LRRTM4: variants seen among roughly 807,000 people sequenced by gnomAD.
LRRTM4 encodes leucine rich repeat transmembrane neuronal 4.
A neutral mutation model predicts 47.6 loss-of-function variants in LRRTM4; 25 were observed. That is an observed-to-expected ratio of 0.53 (90% CI 0.38 to 0.73). The LOEUF (loss-of-function observed/expected upper bound fraction) is 0.73, where lower values mean the gene tolerates loss of function less well. LRRTM4 is among the 30% of genes least tolerant of loss of function. LRRTM4 has a pLI of 0.00. For missense variants in LRRTM4, 638 were observed against 713.4 expected (o/e 0.89, Z 1.20); for synonymous variants, 311 against 269.5 (o/e 1.15, Z -1.51).
chr2:76,878,475 G>T (rs1198475399), intron 3 of LRRTM4, among the ~76,000 whole-genome samples: 1 of 151,840 alleles, frequency 6.6e-6, no homozygotes, highest in Non-Finnish European at 1.5e-5. Flanking sequence ...CAAAAGGTAG[G>T]CCTTTTGTGC....
At chr2:76,902,300 T>C (rs559887596) in intron 3 of LRRTM4, among the ~76,000 whole-genome samples, 1 of 152,316 alleles carries the variant, frequency 6.6e-6, no homozygotes, top group Admixed American at 6.5e-5. Context: ...ATCATTTGTG[T>C]TTTTCCCTTT....
chr2:76,862,038 T>A (rs912479002), intron 3 of LRRTM4, among the ~76,000 whole-genome samples: 1 of 152,060 alleles, frequency 6.6e-6, no homozygotes, highest in Non-Finnish European at 1.5e-5. Flanking sequence ...TATATTTATA[T>A]ACAGCCACAG....
chr2:77,145,916 GA>G (rs1175052370), intron 3 of LRRTM4, among the ~76,000 whole-genome samples: 2 of 151,462 alleles, frequency 1.3e-5, no homozygotes, highest in Admixed American at 1.3e-4. Context: ...TTATTCTTTC[GA>G]AAAAAAATTT....
At chr2:77,373,507 T>A (rs543187891) in intron 3 of LRRTM4, among the ~76,000 whole-genome samples, 73 of 151,848 alleles carry the variant, frequency 4.8e-4, no homozygotes, top group African/African-American at 1.7e-3. Context: ...TTTTTTTACC[T>A]TTTTATTTTG....
At chr2:77,100,225 T>G (rs894380876) in intron 3 of LRRTM4, among the ~76,000 whole-genome samples, 8 of 152,162 alleles carry the variant, frequency 5.3e-5, no homozygotes, top group African/African-American at 1.7e-4. Flanking sequence ...CAACTTGGGT[T>G]GAGAAATTTA....
chr2:76,890,961 G>A (rs1673233858), intron 3 of LRRTM4, among the ~76,000 whole-genome samples: 1 of 152,000 alleles, frequency 6.6e-6, no homozygotes, highest in South Asian at 2.1e-4. Context: ...GCCTAATGGG[G>A]AAATTAGAGA....
At chr2:77,502,737 A>C (rs1412099426) in intron 3 of LRRTM4, among the ~76,000 whole-genome samples, 1 of 151,588 alleles carries the variant, frequency 6.6e-6, no homozygotes, top group African/African-American at 2.4e-5. Flanking sequence ...AGGAGGGATA[A>C]TCTCAAATTG....
intron 3 of LRRTM4, among the ~76,000 whole-genome samples, chr2:76,797,955 G>C (rs1265385473): frequency 6.7e-6 from 1 of 149,952 alleles, no homozygotes; most frequent in Non-Finnish European, 1.5e-5. Context: ...GGAGCATCCA[G>C]ATTCATAAAG....
chr2:76,993,227 T>C (rs1677075825), intron 3 of LRRTM4, among the ~76,000 whole-genome samples: 1 of 151,908 alleles, frequency 6.6e-6, no homozygotes, highest in Admixed American at 6.6e-5. Context: ...AATTTGTTAC[T>C]AAGTCCTCAA....
chr2:77,029,869 C>T (rs1192935149), intron 3 of LRRTM4, among the ~76,000 whole-genome samples: 1 of 152,152 alleles, frequency 6.6e-6, no homozygotes, highest in South Asian at 2.1e-4. Context: ...TCCTTACAGT[C>T]TGACAGGTTT....
At chr2:77,059,959 T>C (rs1028420859) in intron 3 of LRRTM4, among the ~76,000 whole-genome samples, 1 of 152,210 alleles carries the variant, frequency 6.6e-6, no homozygotes, top group Non-Finnish European at 1.5e-5. Context: ...TTCTTTGTTT[T>C]TTGTATCTGC....
At chr2:77,190,504 T>C (rs1216846264) in intron 3 of LRRTM4, among the ~76,000 whole-genome samples, 1 of 152,110 alleles carries the variant, frequency 6.6e-6, no homozygotes, top group African/African-American at 2.4e-5. Context: ...TTTGCCATGT[T>C]GGCCAGGCTG....
intron 3 of LRRTM4, among the ~76,000 whole-genome samples, chr2:76,933,021 T>C (rs1480122997): frequency 6.6e-6 from 1 of 152,144 alleles, no homozygotes. Flanking sequence ...AAAAATCATT[T>C]GAGAAATCTT....
intron 3 of LRRTM4, among the ~76,000 whole-genome samples, chr2:76,826,033 T>C (rs899114430): frequency 4.0e-5 from 6 of 151,754 alleles, no homozygotes; most frequent in Admixed American, 6.6e-5. Context: ...TTTCTTGGAA[T>C]TGAATGAATA....
At chr2:76,864,947 G>A (rs1288338581) in intron 3 of LRRTM4, among the ~76,000 whole-genome samples, 1 of 150,730 alleles carries the variant, frequency 6.6e-6, no homozygotes, top group Non-Finnish European at 1.5e-5. Flanking sequence ...ATGTTGCCCA[G>A]GCTGGTCTCA....
chr2:77,080,802 TA>T (rs1362972706), intron 3 of LRRTM4, among the ~76,000 whole-genome samples: 2 of 152,212 alleles, frequency 1.3e-5, no homozygotes, highest in African/African-American at 4.8e-5. Flanking sequence ...TCAAGGTACT[TA>T]ACAATGCCTA....
At chr2:76,929,594 A>G (rs1257953116) in intron 3 of LRRTM4, among the ~76,000 whole-genome samples, 1 of 152,164 alleles carries the variant, frequency 6.6e-6, no homozygotes, top group Non-Finnish European at 1.5e-5. Flanking sequence ...TAAATATCCT[A>G]CTACAGACTT....
intron 3 of LRRTM4, among the ~76,000 whole-genome samples, chr2:76,948,522 A>G (rs1318683181): frequency 6.6e-6 from 1 of 151,788 alleles, no homozygotes; most frequent in African/African-American, 2.4e-5. Flanking sequence ...TAGAATTGGT[A>G]AGAGTAATTT....
intron 3 of LRRTM4, among the ~76,000 whole-genome samples, chr2:77,008,821 T>C (rs1458567133): frequency 6.6e-6 from 1 of 152,026 alleles, no homozygotes; most frequent in Non-Finnish European, 1.5e-5. Context: ...GCCTTTCTAG[T>C]AGCTTATTAC....
Sources: gnomAD v4.1 joint callset for allele counts (sites outside exome capture counted in the v4.1 genomes callset) on GRCh38, gnomAD v4.1.1 for gene constraint, MANE v1.5 for transcripts, NCBI Gene and HGNC (gene_info 2026-07-23, HGNC 2026-07-21) for gene names.